Variants in MECOM observed in about 807,000 individuals in gnomAD.
MECOM encodes histone-lysine N-methyltransferase MECOM.
A neutral mutation model predicts 116.3 loss-of-function variants in MECOM; 13 were observed. That is an observed-to-expected ratio of 0.11 (90% CI 0.07 to 0.18). MECOM has a LOEUF of 0.18. Among genes scored for constraint, MECOM ranks in the 10% least tolerant of loss-of-function variants. The probability of loss-of-function intolerance (pLI) is 1.00; values close to 1 mark genes in which losing one functional copy is unlikely to be tolerated. For missense variants in MECOM, 1,299 were observed against 1,509.0 expected (o/e 0.86, Z 2.31); for synonymous variants, 528 against 535.2 (o/e 0.99, Z 0.19).
intron 2 of MECOM, among the ~76,000 whole-genome samples, chr3:169,336,988 T>C (rs1204031808): frequency 2.6e-5 from 4 of 152,152 alleles, no homozygotes; most frequent in Non-Finnish European, 1.5e-5. Context: ...GTGACTAGAA[T>C]AACTATTTTT....
chr3:169,268,289 T>A (rs1322544939), intron 2 of MECOM, among the ~76,000 whole-genome samples: 1 of 152,146 alleles, frequency 6.6e-6, no homozygotes, highest in Non-Finnish European at 1.5e-5. Flanking sequence ...AGGGGAAAAA[T>A]GTTATCTGAA....
rs150383682 is a variant in MECOM, at chr3:169,353,759, T to C, written c.375+27428A>G. Among the ~76,000 whole-genome samples, 140 of 151,998 alleles carry C rather than the reference T, an allele frequency of 9.2e-4. 5 individuals carry two copies. Among genetic ancestry groups the C allele is most frequent in the Admixed American group, 7.8e-3 (119 of 15,228 alleles). On this transcript the variant is annotated intron_variant, in intron 2 of 16. Transcript: ENST00000651503. Reference sequence around the variant, plus strand: ...ACTTGCATTTCCACAAGCCAATTACTGTCTTTATACAAAGCTTCATATATA... The same window carrying C: ...ACTTGCATTTCCACAAGCCAATTACCGTCTTTATACAAAGCTTCATATATA...
At position 169,169,219 on chromosome 3, in the gene MECOM, A is replaced by G. The variant is rs191965457; in HGVS notation, c.376-25387T>C. On this transcript the variant is annotated intron_variant, in intron 2 of 16. Coordinates refer to ENST00000651503, the MANE Select transcript of MECOM (RefSeq NM_004991.4). Reference sequence around the variant, plus strand: ...TTTAGTGTAGGGAAAATAATTACACATGATTTTTAGCAGAAACACAATACT... The same window carrying G: ...TTTAGTGTAGGGAAAATAATTACACGTGATTTTTAGCAGAAACACAATACT... 3.6e-3 allele frequency among the ~76,000 whole-genome samples: 552 copies of G among 152,012 alleles called. 2 individuals are homozygous for G. The highest frequency in any genetic ancestry group is 7.7e-3 in the South Asian group (37 of 4,808).
chr3:169,609,609 T>C (rs1295634984), intron 1 of MECOM, among the ~76,000 whole-genome samples: 1 of 152,152 alleles, frequency 6.6e-6, no homozygotes, highest in Non-Finnish European at 1.5e-5. Context: ...TCTTGGTGTA[T>C]TTAAGATATG....
chr3:169,636,690 G>A (rs577778534), intron 1 of MECOM, among the ~76,000 whole-genome samples: 144 of 152,288 alleles, frequency 9.5e-4, no homozygotes, highest in South Asian at 2.5e-3. Context: ...AGCAGACTAG[G>A]AAGAGTTAAG....
chr3:169,088,959 C>T, intron 16 of MECOM, 41 bp downstream of exon 16: 1 of 1,397,680 alleles, frequency 7.2e-7, no homozygotes, highest in East Asian at 2.6e-5. Flanking sequence ...ACGTTTCATG[C>T]ATAATGTAAC....
intron 2 of MECOM, among the ~76,000 whole-genome samples, chr3:169,308,342 G>T (rs16853470): frequency 0.19 from 29,343 of 152,020 alleles, 4,405 homozygotes; most frequent in East Asian, 0.41. Flanking sequence ...CCTGAATATT[G>T]GTATTTACAG....
intron 7 of MECOM, among the ~76,000 whole-genome samples, chr3:169,120,368 G>GTA (rs1730594942): frequency 6.6e-6 from 1 of 152,196 alleles, no homozygotes. Flanking sequence ...ACAGTGCTCT[G>GTA]TACAGGGATG....
chr3:169,557,048 A>T (rs1405306730), intron 1 of MECOM, among the ~76,000 whole-genome samples: 1 of 152,174 alleles, frequency 6.6e-6, no homozygotes, highest in Non-Finnish European at 1.5e-5. Flanking sequence ...ATGTGCCCAG[A>T]TCTACACAAT....
In MECOM at chr3:169,393,227, C is replaced by G. The variant is rs9842272; in HGVS notation, c.38-11703G>C. Reference sequence around the variant, plus strand: ...CTGACCAGAGATAGTCCTGATGGATCTCAGAACAGTGATGTATTCAAACGA... The same window carrying G: ...CTGACCAGAGATAGTCCTGATGGATGTCAGAACAGTGATGTATTCAAACGA... On this transcript the variant is annotated intron_variant, in intron 1 of 16. Transcript: ENST00000651503. Among the ~76,000 whole-genome samples the G allele has an allele frequency of 8.3e-3, 1,271 of 152,256 alleles. 17 individuals are homozygous for G. Among genetic ancestry groups the G allele is most frequent in the African/African-American group, 0.029 (1,221 of 41,558 alleles).
chr3:169,112,658 C>T, intron 9 of MECOM, 129 bp downstream of exon 9: 9 of 702,054 alleles, frequency 1.3e-5, no homozygotes, highest in Admixed American at 5.2e-5. Flanking sequence ...CTAGAATTTC[C>T]TGTGTTCTTC....
rs565462990 is a variant in MECOM, at chr3:169,096,599, T to C, written c.2850-1354A>G. ...AATGACTTATAAATGAAAACTTCAA[T>C]CTTAGAGGACAGAAAATTCTTAACT... On this transcript the variant is annotated intron_variant, in intron 12 of 16. Transcript: ENST00000651503. Among the ~76,000 whole-genome samples the C allele has an allele frequency of 2.6e-5, 4 of 152,174 alleles. No individual in the cohort carries two copies. The South Asian group carries it at 8.3e-4, about 32-fold the overall frequency.
chr3:169,522,885 C>A lies in MECOM; in HGVS notation c.37+140451G>T, dbSNP rs137907967. On this transcript the variant is annotated intron_variant, in intron 1 of 16. Transcript: ENST00000651503. ...TTGATTTACACAATTTACCCCATAC[C>A]TGTACACACTTGTAAAGAACCAGTA... is the stretch of plus-strand genomic sequence containing the variant. Among the ~76,000 whole-genome samples the A allele has an allele frequency of 1.4e-4, 21 of 152,272 alleles. No homozygotes were observed. The East Asian group carries it at 3.7e-3, about 27-fold the overall frequency.
intron 1 of MECOM, among the ~76,000 whole-genome samples, chr3:169,607,304 AT>A (rs1169189865): frequency 6.6e-6 from 1 of 152,232 alleles, no homozygotes; most frequent in Non-Finnish European, 1.5e-5. Flanking sequence ...GACAAAGCAC[AT>A]AATATGAAAT....
At chr3:169,413,960 C>A (rs979755979) in intron 1 of MECOM, among the ~76,000 whole-genome samples, 3 of 152,216 alleles carry the variant, frequency 2.0e-5, no homozygotes, top group Non-Finnish European at 4.4e-5. Context: ...GTAAGTGCAG[C>A]TTCAGCAGAC....
Position 169,472,536 on chromosome 3 carries a change from AG to A in MECOM, c.38-91013del, listed in dbSNP as rs763310519. Among the ~76,000 whole-genome samples, 398 of 75,324 alleles carry A rather than the reference AG, an allele frequency of 5.3e-3. 5 individuals are homozygous for A. Among genetic ancestry groups the A allele is most frequent in the African/African-American group, 0.01 (140 of 13,560 alleles). The allele number at this position is 75,324 out of a possible 152,430, so 49.4% of individuals were successfully genotyped here. A position where few individuals can be genotyped will look rare whatever the true frequency, so the allele number is the denominator to read the frequency against. On this transcript the variant is annotated intron_variant, in intron 1 of 16. Transcript: ENST00000651503. Reference sequence around the variant, plus strand: ...AGGAAAGGAAAGAAAAGAAAAGAAAAGGAAAGGAAAGGAAAAGAAAAGAGAG... The same window carrying A: ...AGGAAAGGAAAGAAAAGAAAAGAAAAGAAAGGAAAGGAAAAGAAAAGAGAG...
intron 2 of MECOM, among the ~76,000 whole-genome samples, chr3:169,149,110 A>T (rs1740687792): frequency 1.3e-5 from 2 of 148,560 alleles, no homozygotes; most frequent in Middle Eastern, 3.4e-3. Context: ...TTTAGCCATA[A>T]ATTGGACCGG....
chr3:169,149,060 C>T (rs990041674), intron 2 of MECOM, among the ~76,000 whole-genome samples: 14 of 150,626 alleles, frequency 9.3e-5, no homozygotes, highest in Non-Finnish European at 2.1e-4. Flanking sequence ...CCTCAACTTG[C>T]CCATTGTCGG....
intron 1 of MECOM, chr3:169,472,921 A>G (rs1368374763): frequency 1.8e-5 from 17 of 962,600 alleles, no homozygotes; most frequent in Non-Finnish European, 2.1e-5. Context: ...CTAAAAATCA[A>G]TCAAAATATT....
Sources: allele counts gnomAD v4.1 joint callset (sites outside exome capture counted in the v4.1 genomes callset), GRCh38; gene constraint gnomAD v4.1.1; transcripts MANE v1.5; gene names NCBI Gene and HGNC (gene_info 2026-07-23, HGNC 2026-07-21).